Variants in PCDHA3 observed in about 807,000 individuals in gnomAD.
PCDHA3 encodes protocadherin alpha 3.
Under a neutral mutation model 62.2 loss-of-function variants are expected in PCDHA3, and 41 were observed. The observed-to-expected ratio is 0.66, with a 90% CI of 0.51 to 0.86. The LOEUF (loss-of-function observed/expected upper bound fraction) is 0.86, where lower values mean the gene tolerates loss of function less well. Ranked by LOEUF, PCDHA3 falls within the 40% of genes least tolerant of loss-of-function variation. The pLI is 0.00. For synonymous variants in PCDHA3, 640 were observed against 555.4 expected (o/e 1.15, Z -2.14); for missense variants, 1,304 against 1,241.2 (o/e 1.05, Z -0.76).
intron 1 of PCDHA3, chr5:140,830,575 T>A: frequency 1.1e-6 from 1 of 879,468 alleles, no homozygotes. Context: ...CTGTTTTTAA[T>A]TTTTAATTAA....
chr5:140,885,924 TTATC>T lies in PCDHA3; in HGVS notation c.2394+82337_2394+82340del, dbSNP rs554293197. Among the ~76,000 whole-genome samples the T allele has an allele frequency of 1.1e-3, 168 of 152,304 alleles. 1 individual carries two copies. The highest frequency in any genetic ancestry group is 9.9e-3 in the South Asian group (48 of 4,826). ...TCTGTACCTTATAGATATTAACTGT[TTATC>T]TATTTTTTGACATTTTTAATTAAAA... On this transcript the variant is annotated intron_variant, in intron 1 of 3. Coordinates refer to ENST00000522353, the MANE Select transcript of PCDHA3 (RefSeq NM_018906.3).
In PCDHA3 at chr5:140,822,935, C is replaced by T. The variant is rs2150120520; in HGVS notation, c.2394+19344C>T. ...GGTGCCAACGGGCAGGTGACCTGCT[C>T]CCTAATGCCCCACGTTCCCTTCAAG... is the stretch of plus-strand genomic sequence containing the variant. On this transcript the variant is annotated intron_variant, in intron 1 of 3. Coordinates refer to ENST00000522353, the MANE Select transcript of PCDHA3 (RefSeq NM_018906.3). 9 of 1,614,240 alleles carry T rather than the reference C, an allele frequency of 5.6e-6. No individual in the cohort carries two copies. In the South Asian group the frequency reaches 8.8e-5, roughly 16 times the overall value.
chr5:140,906,243 A>T (rs2072484346), intron 1 of PCDHA3, among the ~76,000 whole-genome samples: 1 of 152,190 alleles, frequency 6.6e-6, no homozygotes, highest in South Asian at 2.1e-4. Flanking sequence ...GTCAACTTGA[A>T]CCCATACACA....
At chr5:140,841,877 A>G (rs2150324611) in intron 1 of PCDHA3, 1 of 1,613,820 alleles carries the variant, frequency 6.2e-7, no homozygotes. Flanking sequence ...GAATTCAAAG[A>G]ACGATGAGAA....
At chr5:140,824,610 G>GTTTTTTTTTTTTTTTTTTTTTTTTTT (rs782443702) in intron 1 of PCDHA3, 1 of 95,104 alleles carries the variant, frequency 1.1e-5, no homozygotes, top group African/African-American at 4.9e-5. Flanking sequence ...GCTAATTAAA[G>GTTTTTTTTTTTTTTTTTTTTTTTTTT]TTTTTTTTTT....
intron 1 of PCDHA3, chr5:140,828,576 T>A (rs1769834472): frequency 1.2e-6 from 2 of 1,614,230 alleles, no homozygotes; most frequent in Non-Finnish European, 1.7e-6. Flanking sequence ...GATGCAGATG[T>A]TGGCTCAAAT....
At chr5:140,820,946 A>G (rs1766863705) in intron 1 of PCDHA3, among the ~76,000 whole-genome samples, 1 of 152,114 alleles carries the variant, frequency 6.6e-6, no homozygotes, top group Admixed American at 6.5e-5. Context: ...AAATATCCCC[A>G]TTACAGTTTT....
chr5:140,906,023 G>A (rs952070346), intron 1 of PCDHA3, among the ~76,000 whole-genome samples: 7 of 152,128 alleles, frequency 4.6e-5, no homozygotes, highest in Admixed American at 3.3e-4. Flanking sequence ...ATCTCTCCAC[G>A]TTCTTCTGTC....
intron 1 of PCDHA3, chr5:140,809,553 C>G: frequency 6.2e-7 from 1 of 1,610,762 alleles, no homozygotes; most frequent in Non-Finnish European, 8.5e-7. Context: ...CTGCAGACAA[C>G]TGAGGAATCC....
chr5:140,915,138 G>A (rs139042327), intron 1 of PCDHA3, among the ~76,000 whole-genome samples: 2,353 of 151,838 alleles, frequency 0.015, 60 homozygotes, highest in African/African-American at 0.053. Context: ...TAGTAGAGAC[G>A]GGGTTTCACC....
rs141107649 is a variant in PCDHA3 at position 140,802,741 on chromosome 5, G to A, written c.1544G>A (p.Gly515Asp). Reference protein sequence around the residue: ...SSYVSVHAESGKVYALQPLDH... With the variant: ...SSYVSVHAESDKVYALQPLDH... ...TACGTGTCGGTACACGCGGAGAGCG[G>A]CAAGGTGTACGCGCTGCAGCCGCTG... The change falls in exon 1 of 4, where the codon GGC becomes GAC. Residue 515 changes from glycine (G) to aspartate (D), a missense_variant. Transcript: ENST00000522353. The A allele has an allele frequency of 1.9e-6, 3 of 1,612,476 alleles. No individual in the cohort carries two copies. In the African/African-American group the frequency reaches 4.0e-5, roughly 22 times the overall value.
At chr5:140,947,706 A>G (rs2153680894) in intron 1 of PCDHA3, among the ~76,000 whole-genome samples, 1 of 151,686 alleles carries the variant, frequency 6.6e-6, no homozygotes, top group East Asian at 1.9e-4. Context: ...AGTTTTAAGT[A>G]TTGAGGTTTC....
chr5:140,841,080 C>T, intron 1 of PCDHA3: 1 of 535,424 alleles, frequency 1.9e-6, no homozygotes, highest in Non-Finnish European at 3.2e-6. Flanking sequence ...ATAGAAAGTG[C>T]ATAGAAGAAC....
At chr5:140,859,436 A>C (rs868952272) in intron 1 of PCDHA3, 6 of 225,632 alleles carry the variant, frequency 2.7e-5, no homozygotes, top group African/African-American at 1.2e-4. Flanking sequence ...AATGAAAGCT[A>C]ACTTAGTTGC....
chr5:140,908,967 G>A (rs1039870615), intron 1 of PCDHA3, among the ~76,000 whole-genome samples: 10 of 152,076 alleles, frequency 6.6e-5, no homozygotes, highest in African/African-American at 2.4e-4. Context: ...ATCTTGATAG[G>A]CCCCACTCCA....
rs2150475215 is a variant in PCDHA3 at position 140,850,243 on chromosome 5, G to C, written c.2394+46652G>C. 8.4e-5 allele frequency: 134 copies of C among 1,593,880 alleles called. 16 individuals are homozygous for C. Among genetic ancestry groups the C allele is most frequent in the South Asian group, 5.0e-4 (45 of 90,414 alleles). On this transcript the variant is annotated intron_variant, in intron 1 of 3. Transcript: ENST00000522353. ...GGCGCAGTGAGCGAGATGGTGCTGC[G>C]GTCGGTGGGCGCCGGCGTAGTGGTG... is the stretch of plus-strand genomic sequence containing the variant.
At position 140,842,039 on chromosome 5, in the gene PCDHA3, C is replaced by T. The variant is rs371732180; in HGVS notation, c.2394+38448C>T. ...AGTGCTGGATGTGAATGATAATGCT[C>T]CCACTTTCGAACAGTCTGAATACGA... On this transcript the variant is annotated intron_variant, in intron 1 of 3. Transcript: ENST00000522353. 4 of 1,613,816 alleles carry T rather than the reference C, an allele frequency of 2.5e-6. No individual in the cohort carries two copies. In the South Asian group the frequency reaches 4.4e-5, roughly 18 times the overall value.
At position 140,834,409 on chromosome 5, in the gene PCDHA3, C is replaced by G. The variant is rs2150217049; in HGVS notation, c.2394+30818C>G. The stretch of plus-strand genomic sequence containing the variant: ...ATGGTGTGCCCGAATGGATACGACC[C>G]AGGGGGCCGACATCTACTGCTGTTT... On this transcript the variant is annotated intron_variant, in intron 1 of 3. Transcript: ENST00000522353. 4.8e-5 allele frequency: 78 copies of G among 1,610,292 alleles called. 1 individual carries two copies. The highest frequency in any genetic ancestry group is 5.9e-5 in the Non-Finnish European group (70 of 1,177,780).
In PCDHA3 at chr5:140,857,847, C is replaced by G. The variant is rs782775653; in HGVS notation, c.2394+54256C>G. The G allele has an allele frequency of 1.4e-5, 23 of 1,597,872 alleles. 1 individual carries two copies. The South Asian group carries it at 2.0e-4, about 14-fold the overall frequency. On this transcript the variant is annotated intron_variant, in intron 1 of 3. Coordinates refer to ENST00000522353, the MANE Select transcript of PCDHA3 (RefSeq NM_018906.3). Reference sequence around the variant, plus strand: ...AAGGTGCGCGCAGTGGACGCTGACTCTGGATACAACGCGTGGCTGTCGTAT... The same window carrying G: ...AAGGTGCGCGCAGTGGACGCTGACTGTGGATACAACGCGTGGCTGTCGTAT...
Sources: allele counts gnomAD v4.1 joint callset (sites outside exome capture counted in the v4.1 genomes callset), GRCh38; gene constraint gnomAD v4.1.1; transcripts MANE v1.5; gene names NCBI Gene and HGNC (gene_info 2026-07-23, HGNC 2026-07-21).